The following PLSCR1 variants were observed in gnomAD, a reference collection of about 807,000 sequenced individuals.
The protein encoded by PLSCR1 is PL scramblase 1.
Under a neutral mutation model 37.8 loss-of-function variants are expected in PLSCR1, and 17 were observed. The ratio of observed to expected loss-of-function variants is 0.45; its 90% CI spans 0.31 to 0.68. The LOEUF (loss-of-function observed/expected upper bound fraction) is 0.68, where lower values mean the gene tolerates loss of function less well. Ranked by LOEUF, PLSCR1 falls within the 30% of genes least tolerant of loss-of-function variation. The pLI is 0.06. For missense variants in PLSCR1, 347 were observed against 380.9 expected, an observed-to-expected ratio of 0.91 and a Z score of 0.74; for synonymous variants, 116 against 125.9, an observed-to-expected ratio of 0.92 and a Z score of 0.53.
intron 4 of PLSCR1, chr3:146,528,392 A>T: frequency 1.8e-6 from 1 of 559,462 alleles, no homozygotes; most frequent in East Asian, 3.1e-5. Flanking sequence ...GCTATTGGCC[A>T]TTATCATAGA....
chr3:146,517,390 A>C, intron 7 of PLSCR1: 1 of 249,274 alleles, frequency 4.0e-6, no homozygotes, highest in Non-Finnish European at 7.5e-6. Context: ...AATATTTAAC[A>C]ATTTCTATTT....
At chr3:146,533,964 TGTAA>T (rs989394577) in intron 2 of PLSCR1, among the ~76,000 whole-genome samples, 7 of 152,330 alleles carry the variant, frequency 4.6e-5, no homozygotes, top group African/African-American at 7.2e-5. Context: ...TCATCATTGC[TGTAA>T]GTATTATTTT....
intron 4 of PLSCR1, chr3:146,527,950 T>A (rs561400167): frequency 1.3e-5 from 2 of 152,298 alleles, no homozygotes; most frequent in East Asian, 3.9e-4. Context: ...CCAGGACTTT[T>A]TACTCCTTTA....
intron 2 of PLSCR1, among the ~76,000 whole-genome samples, chr3:146,535,912 C>T (rs757436072): frequency 2.6e-5 from 4 of 152,072 alleles, no homozygotes; most frequent in Admixed American, 6.6e-5. Context: ...TAAAGAAAAG[C>T]GTTTCAGAAA....
At chr3:146,526,183 C>CAAAAAAAAAAAAAAAAAAAAAAAAAAAAA (rs60229241) in intron 4 of PLSCR1, among the ~76,000 whole-genome samples, 4 of 42,822 alleles carry the variant, frequency 9.3e-5, no homozygotes, top group African/African-American at 1.9e-4. Context: ...GACTCCATCT[C>CAAAAAAAAAAAAAAAAAAAAAAAAAAAAA]AAAAAAAAAA....
At chr3:146,521,419 G>T (rs2044017865) in intron 7 of PLSCR1, 125 bp downstream of exon 7, 1 of 818,588 alleles carries the variant, frequency 1.2e-6, no homozygotes, top group Non-Finnish European at 1.9e-6. Context: ...AAATAAATGA[G>T]AAAATCATCT....
chr3:146,544,236 C>G (rs1576802993), intron 1 of PLSCR1, among the ~76,000 whole-genome samples: 3 of 152,212 alleles, frequency 2.0e-5, no homozygotes, highest in Admixed American at 2.0e-4. Flanking sequence ...GGCCCCTTGC[C>G]GTGTACCTGC....
At chr3:146,533,411 ACTCT>A (rs578150339) in intron 3 of PLSCR1, 55 bp downstream of exon 3, 2 of 847,590 alleles carry the variant, frequency 2.4e-6, no homozygotes, top group African/African-American at 1.7e-5. Context: ...TCCCACTCTC[ACTCT>A]CTCTCTCTGT....
intron 1 of PLSCR1, among the ~76,000 whole-genome samples, chr3:146,543,297 G>A (rs2044360666): frequency 6.6e-6 from 1 of 152,142 alleles, no homozygotes; most frequent in Non-Finnish European, 1.5e-5. Flanking sequence ...CAGATCTAAA[G>A]GCAGTTTGAT....
chr3:146,525,398 TC>T (rs1163707899), intron 5 of PLSCR1: 24 of 493,266 alleles, frequency 4.9e-5, no homozygotes, highest in Non-Finnish European at 7.6e-5. Context: ...AGTGTCAATA[TC>T]CCGAGGGCAG....
In PLSCR1 at chr3:146,533,481, G is replaced by C; in HGVS notation, c.83C>G (p.Thr28Arg). 6.3e-7 allele frequency: 1 copy of C among 1,594,616 alleles called. No homozygotes were observed. The change falls in exon 3 of 9, where the codon ACA becomes AGA. Residue 28 changes from threonine to arginine, a missense_variant. By Grantham distance (71) the Thr-to-Arg change is moderately conservative. Coordinates refer to ENST00000342435, the MANE Select transcript of PLSCR1 (RefSeq NM_021105.3). ...AGCAACTGCTTTACCTTGGAATGCT[G>C]TCGGTGGATACTGAGGAGGATACCC... ...PVGYPPQYPP[T>R]AFQGPPGYSG...
At chr3:146,527,852 G>T (rs1018777659) in intron 4 of PLSCR1, 1 of 152,116 alleles carries the variant, frequency 6.6e-6, no homozygotes, top group African/African-American at 2.4e-5. Flanking sequence ...AGAGTTTCTT[G>T]TTTCTATTTG....
intron 5 of PLSCR1, among the ~76,000 whole-genome samples, chr3:146,523,687 C>CAT (rs2044065553): frequency 6.6e-6 from 1 of 152,164 alleles, no homozygotes; most frequent in African/African-American, 2.4e-5. Context: ...ATATCTAGAC[C>CAT]GTGGGAATCC....
chr3:146,518,212 G>A (rs1468074556), intron 7 of PLSCR1, among the ~76,000 whole-genome samples: 1 of 152,132 alleles, frequency 6.6e-6, no homozygotes, highest in African/African-American at 2.4e-5. Context: ...CATGAGTAGT[G>A]TCCTTAAACT....
In PLSCR1 at chr3:146,516,005, T is replaced by C. The variant is rs367876971; in HGVS notation, c.*40A>G. The C allele has an allele frequency of 3.8e-6, 5 of 1,318,978 alleles. No individual in the cohort carries two copies. In the African/African-American group the frequency reaches 5.8e-5, roughly 15 times the overall value. The allele number at this position is 1,318,978 out of a possible 1,614,324, so 81.7% of individuals were successfully genotyped here. On this transcript the variant is annotated 3_prime_UTR_variant, in exon 9 of 9. Coordinates refer to ENST00000342435, the MANE Select transcript of PLSCR1 (RefSeq NM_021105.3). Reference sequence around the variant, plus strand: ...TGAGTTTAGATAGTCTCAATCAATATACAGACTTCAGATTTCCTGAGGAGA... The same window carrying C: ...TGAGTTTAGATAGTCTCAATCAATACACAGACTTCAGATTTCCTGAGGAGA...
At chr3:146,518,075 G>C (rs995096043) in intron 7 of PLSCR1, among the ~76,000 whole-genome samples, 1 of 152,192 alleles carries the variant, frequency 6.6e-6, no homozygotes, top group African/African-American at 2.4e-5. Flanking sequence ...GAAGCTGATA[G>C]CATAATACTG....
At chr3:146,521,738 T>A (rs2044023939) in intron 6 of PLSCR1, 33 bp from the exon 7 acceptor site, 7 of 1,589,400 alleles carry the variant, frequency 4.4e-6, no homozygotes, top group African/African-American at 2.7e-5. Flanking sequence ...GTAAATGTAA[T>A]AATCATAATG....
Position 146,533,488 on chromosome 3 carries a change from G to C in PLSCR1, c.76C>G (p.Pro26Ala), listed in dbSNP as rs1199226290. 6.3e-7 allele frequency: 1 copy of C among 1,598,636 alleles called. No individual in the cohort carries two copies. Residue 26 changes from proline to alanine, a missense_variant, in exon 3 of 9, where the codon CCA (proline) becomes GCA (alanine). Pro to Ala is a conservative substitution (Grantham distance 27). Transcript: ENST00000342435. ...NLPVGYPPQY[P>A]PTAFQGPPGY... ...GCTTTACCTTGGAATGCTGTCGGTG[G>C]ATACTGAGGAGGATACCCAACTGGC... is the stretch of plus-strand genomic sequence containing the variant.
intron 2 of PLSCR1, among the ~76,000 whole-genome samples, chr3:146,534,679 T>C (rs1263206408): frequency 1.3e-5 from 2 of 151,890 alleles, no homozygotes; most frequent in Admixed American, 6.6e-5. Context: ...CGTTCAAGAC[T>C]AGCCTGGCCA....
Sources: gnomAD v4.1 joint callset for allele counts (sites outside exome capture counted in the v4.1 genomes callset) on GRCh38, gnomAD v4.1.1 for gene constraint, MANE v1.5 for transcripts, NCBI Gene and HGNC (gene_info 2026-07-23, HGNC 2026-07-21) for gene names.